The following EYS variants were observed in gnomAD, a reference collection of about 807,000 sequenced individuals.
The protein encoded by EYS is EGF-like photoreceptor maintenance factor.
Under a neutral mutation model 282.1 loss-of-function variants are expected in EYS, and 250 were observed. That is an observed-to-expected ratio of 0.89 (90% CI 0.80 to 0.98). The LOEUF (loss-of-function observed/expected upper bound fraction) is 0.98, where lower values mean the gene tolerates loss of function less well. Among genes scored for constraint, EYS ranks in the 50% least tolerant of loss-of-function variants. EYS has a pLI of 0.00. For synonymous variants in EYS, 1,355 were observed against 1,282.9 expected (o/e 1.06, Z -1.20); for missense variants, 4,016 against 3,709.0 (o/e 1.08, Z -2.15).
chr6:64,758,004 G>A (rs574941885), intron 22 of EYS, among the ~76,000 whole-genome samples: 12 of 152,104 alleles, frequency 7.9e-5, no homozygotes, highest in Non-Finnish European at 1.8e-4. Flanking sequence ...TTGATCGCCT[G>A]ACCTCCTGAT....
chr6:64,683,755 C>T (rs1467011186), intron 22 of EYS, among the ~76,000 whole-genome samples: 1 of 152,184 alleles, frequency 6.6e-6, no homozygotes, highest in Non-Finnish European at 1.5e-5. Flanking sequence ...CATGTTAGCT[C>T]AAGTTGCTCC....
chr6:63,992,881 C>G (rs945584286), intron 34 of EYS, among the ~76,000 whole-genome samples: 3 of 151,644 alleles, frequency 2.0e-5, no homozygotes, highest in African/African-American at 7.3e-5. Context: ...CCCATAATCC[C>G]CACATGTCAA....
chr6:63,895,853 C>T (rs949534309), intron 35 of EYS, among the ~76,000 whole-genome samples: 7 of 149,942 alleles, frequency 4.7e-5, no homozygotes, highest in African/African-American at 1.7e-4. Context: ...TTCTCCAAAT[C>T]TTCCTCTAAT....
intron 7 of EYS, among the ~76,000 whole-genome samples, chr6:65,394,710 C>T (rs1006780840): frequency 6.6e-6 from 1 of 152,122 alleles, no homozygotes; most frequent in Non-Finnish European, 1.5e-5. Flanking sequence ...GTTTCCAAGT[C>T]ATCCCTCACT....
chr6:63,995,995 C>T lies in EYS; in HGVS notation c.6834+3080G>A, dbSNP rs139598630. Among the ~76,000 whole-genome samples, 85 of 150,446 alleles carry T rather than the reference C, an allele frequency of 5.6e-4. 3 individuals carry two copies. The highest frequency in any genetic ancestry group is 3.4e-3 in the Middle Eastern group (1 of 292). On this transcript the variant is annotated intron_variant, in intron 34 of 42. Coordinates refer to ENST00000503581, the MANE Select transcript of EYS (RefSeq NM_001142800.2). The stretch of plus-strand genomic sequence containing the variant: ...ATAAATATTTGAGGTAATGGATATG[C>T]TAATTTGCTGAATTTGATCATTCCA...
At position 64,726,729 on chromosome 6, in the gene EYS, T is replaced by C. The variant is rs145944168; in HGVS notation, c.3443+86649A>G. On this transcript the variant is annotated intron_variant, in intron 22 of 42. Transcript: ENST00000503581. Reference sequence around the variant, plus strand: ...GTTTCACATGAGTGATAGTAATACATTAAGATTTATAGAAGGATGTGCAAG... The same window carrying C: ...GTTTCACATGAGTGATAGTAATACACTAAGATTTATAGAAGGATGTGCAAG... 8.6e-4 allele frequency among the ~76,000 whole-genome samples: 131 copies of C among 152,268 alleles called. 1 individual carries two copies. The highest frequency in any genetic ancestry group is 3.0e-3 in the African/African-American group (126 of 41,566).
intron 28 of EYS, among the ~76,000 whole-genome samples, chr6:64,398,011 G>A (rs1773430897): frequency 7.2e-6 from 1 of 138,068 alleles, no homozygotes; most frequent in African/African-American, 2.6e-5. Flanking sequence ...AAATACACAG[G>A]TATTTTTCTG....
At chr6:64,111,132 CA>C (rs2150266364) in intron 31 of EYS, among the ~76,000 whole-genome samples, 1 of 152,034 alleles carries the variant, frequency 6.6e-6, no homozygotes, top group East Asian at 1.9e-4. Flanking sequence ...GTTTCTGTTA[CA>C]GGGGGAATAT....
intron 19 of EYS, among the ~76,000 whole-genome samples, chr6:64,826,178 G>A (rs192938336): frequency 6.6e-6 from 1 of 151,836 alleles, no homozygotes; most frequent in Admixed American, 6.6e-5. Context: ...CCTTGACCTG[G>A]CATGCATCAC....
intron 12 of EYS, among the ~76,000 whole-genome samples, chr6:65,069,339 AC>A (rs1773841089): frequency 6.6e-6 from 1 of 151,940 alleles, no homozygotes; most frequent in Admixed American, 6.6e-5. Context: ...TAAAGATTTA[AC>A]TTATACTCAT....
intron 35 of EYS, among the ~76,000 whole-genome samples, chr6:63,976,386 T>C (rs1766839289): frequency 6.6e-6 from 1 of 152,068 alleles, no homozygotes; most frequent in South Asian, 2.1e-4. Flanking sequence ...GTTTTGTCTG[T>C]TGTTGACTGA....
intron 34 of EYS, among the ~76,000 whole-genome samples, chr6:63,997,999 G>A (rs760922480): frequency 9.2e-5 from 14 of 151,808 alleles, no homozygotes; most frequent in Non-Finnish European, 1.5e-4. Context: ...TGGCCCTCTC[G>A]GGATCTAGAA....
At chr6:65,072,954 A>G (rs1187437549) in intron 12 of EYS, among the ~76,000 whole-genome samples, 1 of 151,544 alleles carries the variant, frequency 6.6e-6, no homozygotes, top group Non-Finnish European at 1.5e-5. Context: ...GAAAATGAAC[A>G]AACATTATAT....
intron 2 of EYS, among the ~76,000 whole-genome samples, chr6:65,565,932 A>C (rs1325936765): frequency 6.6e-6 from 1 of 151,908 alleles, no homozygotes; most frequent in African/African-American, 2.4e-5. Context: ...GGAACATCAC[A>C]CACCAGGGCC....
intron 34 of EYS, among the ~76,000 whole-genome samples, chr6:63,989,914 G>A (rs1186577410): frequency 6.6e-6 from 1 of 151,474 alleles, no homozygotes; most frequent in Non-Finnish European, 1.5e-5. Context: ...ATAAATATGA[G>A]TGAAGTGATT....
chr6:64,525,648 T>A (rs1777893474), intron 26 of EYS, among the ~76,000 whole-genome samples: 1 of 151,428 alleles, frequency 6.6e-6, no homozygotes, highest in South Asian at 2.1e-4. Flanking sequence ...ACAACAAACC[T>A]GCAAGTATAC....
rs569594651 is a variant in EYS, at chr6:64,067,473, G to A, written c.6572-982C>T. On this transcript the variant is annotated intron_variant, in intron 32 of 42. Coordinates refer to ENST00000503581, the MANE Select transcript of EYS (RefSeq NM_001142800.2). Reference sequence around the variant, plus strand: ...ACTTGATTTTAATCTTCCTATTAGTGGAATCATATTGTATGGATTCTTTAA... The same window carrying A: ...ACTTGATTTTAATCTTCCTATTAGTAGAATCATATTGTATGGATTCTTTAA... 4.6e-5 allele frequency among the ~76,000 whole-genome samples: 7 copies of A among 152,092 alleles called. No individual in the cohort carries two copies. In the South Asian group the frequency reaches 1.0e-3, roughly 23 times the overall value.
chr6:64,017,755 A>G (rs972200257), intron 33 of EYS, among the ~76,000 whole-genome samples: 2 of 152,166 alleles, frequency 1.3e-5, no homozygotes, highest in African/African-American at 4.8e-5. Context: ...TCTGCTCATT[A>G]ATATGAAGTG....
chr6:65,115,613 A>C (rs1267987777), intron 12 of EYS, among the ~76,000 whole-genome samples: 3 of 152,104 alleles, frequency 2.0e-5, no homozygotes, highest in African/African-American at 4.8e-5. Flanking sequence ...CCTTAAGATA[A>C]TACTAATACC....
Sources: allele counts gnomAD v4.1 joint callset (sites outside exome capture counted in the v4.1 genomes callset), GRCh38; gene constraint gnomAD v4.1.1; transcripts MANE v1.5; gene names NCBI Gene and HGNC (gene_info 2026-07-23, HGNC 2026-07-21).